FAM107B: variants seen among roughly 807,000 people sequenced by gnomAD.
The protein encoded by FAM107B is family with sequence similarity 107 member B.
Under a neutral mutation model 31.5 loss-of-function variants are expected in FAM107B, and 21 were observed. The ratio of observed to expected loss-of-function variants is 0.67; its 90% CI spans 0.47 to 0.96. FAM107B has a LOEUF of 0.96. Among genes scored for constraint, FAM107B ranks in the 40% least tolerant of loss-of-function variants. The probability of loss-of-function intolerance (pLI) is 0.00; values close to 1 mark genes in which losing one functional copy is unlikely to be tolerated. For synonymous variants in FAM107B, 157 were observed against 141.5 expected (o/e 1.11, Z -0.78); for missense variants, 452 against 377.1 (o/e 1.20, Z -1.64).
intron 2 of FAM107B, among the ~76,000 whole-genome samples, chr10:14,540,633 T>C (rs1362817235): frequency 6.6e-6 from 1 of 152,204 alleles, no homozygotes; most frequent in Non-Finnish European, 1.5e-5. Flanking sequence ...CACAGCCCTG[T>C]CCTCTTCTCT....
chr10:14,725,371 C>CT (rs1403947189), intron 1 of FAM107B, among the ~76,000 whole-genome samples: 1 of 152,206 alleles, frequency 6.6e-6, no homozygotes, highest in Admixed American at 6.5e-5. Flanking sequence ...CACAGAATAT[C>CT]TTTAACTCTG....
At chr10:14,564,251 T>C (rs1204693710) in intron 2 of FAM107B, among the ~76,000 whole-genome samples, 1 of 152,196 alleles carries the variant, frequency 6.6e-6, no homozygotes, top group Non-Finnish European at 1.5e-5. Context: ...TTGTGTTTGC[T>C]TGTTACTGAC....
chr10:14,653,244 A>G (rs1853948480), intron 2 of FAM107B, among the ~76,000 whole-genome samples: 1 of 152,226 alleles, frequency 6.6e-6, no homozygotes, highest in Non-Finnish European at 1.5e-5. Flanking sequence ...TTCTGTTTCC[A>G]TGGCTCAGAA....
chr10:14,690,534 A>G (rs1189260248), intron 1 of FAM107B, among the ~76,000 whole-genome samples: 1 of 151,638 alleles, frequency 6.6e-6, no homozygotes, highest in African/African-American at 2.4e-5. Context: ...GCTCGCTGCA[A>G]CCTCTACCTC....
chr10:14,565,944 C>T lies in FAM107B; in HGVS notation c.470-35429G>A, dbSNP rs984197122. Among the ~76,000 whole-genome samples the T allele has an allele frequency of 2.0e-5, 3 of 152,186 alleles. No individual in the cohort carries two copies. The East Asian group carries it at 5.8e-4, about 29-fold the overall frequency. ...GCCAAGCAGGAACACAACCAGAGGG[C>T]CCTGTGGAACTCGCAGCAGGGCGGA... On this transcript the variant is annotated intron_variant, in intron 2 of 4. Coordinates refer to ENST00000181796, the MANE Select transcript of FAM107B (RefSeq NM_031453.4).
rs577859301 is a variant in FAM107B, at chr10:14,678,876, C to T, written c.412-11185G>A. ...CACACGGAACAGTTTAGGTGGCAGA[C>T]ACATCCAGTCAATTCTAAAACATGC... is the stretch of plus-strand genomic sequence containing the variant. On this transcript the variant is annotated intron_variant, in intron 1 of 4. Coordinates refer to ENST00000181796, the MANE Select transcript of FAM107B (RefSeq NM_031453.4). Among the ~76,000 whole-genome samples the T allele has an allele frequency of 2.6e-5, 4 of 152,298 alleles. No individual in the cohort carries two copies. In the South Asian group the frequency reaches 6.2e-4, roughly 24 times the overall value.
chr10:14,774,464 G>C lies in FAM107B; in HGVS notation c.200C>G (p.Pro67Arg), dbSNP rs750815351. 2 of 1,614,070 alleles carry C rather than the reference G, an allele frequency of 1.2e-6. No individual in the cohort carries two copies. The highest frequency in any genetic ancestry group is 1.7e-6 in the Non-Finnish European group (2 of 1,180,036). Reference sequence around the variant, plus strand: ...TTTCTCTGGAGCTCCTTCTGCGCTTGGGTGTCTTGGCTGTCTGCCTGCTTT... The same window carrying C: ...TTTCTCTGGAGCTCCTTCTGCGCTTCGGTGTCTTGGCTGTCTGCCTGCTTT... ...VAKAGRQPRHPSAEGAPEKRQ... is the reference protein window; with the variant it reads ...VAKAGRQPRHRSAEGAPEKRQ... Residue 67 changes from proline (P) to arginine (R), a missense_variant, in exon 1 of 5, where the codon CCA (proline) becomes CGA (arginine). Transcript: ENST00000181796.
chr10:14,523,271 A>C lies in FAM107B; in HGVS notation c.654-1252T>G, dbSNP rs148698358. Among the ~76,000 whole-genome samples, 1,127 of 152,336 alleles carry C rather than the reference A, an allele frequency of 7.4e-3. 15 individuals are homozygous for C. The highest frequency in any genetic ancestry group is 0.026 in the African/African-American group (1,066 of 41,562). On this transcript the variant is annotated intron_variant, in intron 3 of 4. Coordinates refer to ENST00000181796, the MANE Select transcript of FAM107B (RefSeq NM_031453.4). ...CACTTATCTTAGCCAGTCTCTGCCA[A>C]CTCATAAGTAATCTCAACTTGATGT...
At chr10:14,725,908 C>A (rs946312515) in intron 1 of FAM107B, among the ~76,000 whole-genome samples, 1 of 148,520 alleles carries the variant, frequency 6.7e-6, no homozygotes, top group Non-Finnish European at 1.5e-5. Context: ...TCACTGCAAC[C>A]TTCACCTCCC....
intron 2 of FAM107B, among the ~76,000 whole-genome samples, chr10:14,657,779 C>A (rs1854103637): frequency 1.3e-5 from 2 of 152,038 alleles, no homozygotes; most frequent in African/African-American, 4.8e-5. Flanking sequence ...TTCTAATAAA[C>A]CTCCAGCAAC....
chr10:14,767,045 TATATATATATAGAGAG>T (rs1269359522), intron 1 of FAM107B, among the ~76,000 whole-genome samples: 521 of 38,946 alleles, frequency 0.013, 5 homozygotes, highest in African/African-American at 0.039. Context: ...TATATATATA[TATATATATATAGAGAG>T]AGAGAGAGAG....
chr10:14,679,977 C>T (rs1437504814), intron 1 of FAM107B, among the ~76,000 whole-genome samples: 2 of 152,204 alleles, frequency 1.3e-5, no homozygotes, highest in Admixed American at 6.5e-5. Flanking sequence ...TGATCCTCAG[C>T]TTGCAAATGG....
At chr10:14,741,763 C>T (rs1421838964) in intron 1 of FAM107B, among the ~76,000 whole-genome samples, 1 of 146,218 alleles carries the variant, frequency 6.8e-6, no homozygotes, top group African/African-American at 2.6e-5. Flanking sequence ...CTCTGTCGCC[C>T]AGGCTGGAGT....
rs1191337314 is a variant in FAM107B at position 14,723,226 on chromosome 10, G to A, written c.411+51027C>T. ...AGTGGCCTGAGCAGTGGGAGCCACA[G>A]ATCAGTCTTCTGTGGTGGGGCCGAG... On this transcript the variant is annotated intron_variant, in intron 1 of 4. Transcript: ENST00000181796. 1.7e-5 allele frequency: 9 copies of A among 529,234 alleles called. No homozygotes were observed. In the East Asian group the frequency reaches 4.5e-4, roughly 26 times the overall value. The allele number at this position is 529,234 out of a possible 1,614,324, so 32.8% of individuals were successfully genotyped here.
chr10:14,696,587 T>G (rs1475059252), intron 1 of FAM107B, among the ~76,000 whole-genome samples: 1 of 152,202 alleles, frequency 6.6e-6, no homozygotes, highest in Non-Finnish European at 1.5e-5. Flanking sequence ...TATAAATTCT[T>G]CCTTAAATGT....
intron 1 of FAM107B, among the ~76,000 whole-genome samples, chr10:14,762,549 G>A (rs953375974): frequency 6.6e-6 from 1 of 152,124 alleles, no homozygotes; most frequent in Non-Finnish European, 1.5e-5. Flanking sequence ...GAGGCCGGGA[G>A]TTCGAGACCA....
chr10:14,522,792 C>T (rs1196787883), intron 3 of FAM107B, among the ~76,000 whole-genome samples: 1 of 152,094 alleles, frequency 6.6e-6, no homozygotes, highest in Non-Finnish European at 1.5e-5. Context: ...ACCTTCCCAC[C>T]CTTCATTTTT....
intron 2 of FAM107B, among the ~76,000 whole-genome samples, chr10:14,621,896 T>C (rs1362835416): frequency 6.6e-6 from 1 of 152,202 alleles, no homozygotes; most frequent in Non-Finnish European, 1.5e-5. Flanking sequence ...ACCTTGCAGT[T>C]AAGAGAGGGT....
intron 1 of FAM107B, among the ~76,000 whole-genome samples, chr10:14,683,029 T>C (rs1414151326): frequency 1.3e-5 from 2 of 152,056 alleles, no homozygotes; most frequent in Non-Finnish European, 2.9e-5. Context: ...ATAGACAACA[T>C]TTGTGTCCCC....
Sources: allele counts gnomAD v4.1 joint callset (sites outside exome capture counted in the v4.1 genomes callset), GRCh38; gene constraint gnomAD v4.1.1; transcripts MANE v1.5; gene names NCBI Gene and HGNC (gene_info 2026-07-23, HGNC 2026-07-21).